Variants in PHACTR3 observed in about 807,000 individuals in gnomAD.
PHACTR3 encodes the protein phosphatase and actin regulator 3.
Under a neutral mutation model 66.8 loss-of-function variants are expected in PHACTR3, and 16 were observed. The observed-to-expected ratio is 0.24, with a 90% confidence interval of 0.16 to 0.36. PHACTR3 has a LOEUF of 0.36. Ranked by LOEUF, PHACTR3 falls within the 10% of genes least tolerant of loss-of-function variation. PHACTR3 has a pLI of 1.00. For missense variants in PHACTR3, 647 were observed against 719.9 expected, an observed-to-expected ratio of 0.90 and a Z score of 1.16; for synonymous variants, 323 against 292.1, an observed-to-expected ratio of 1.11 and a Z score of -1.08.
At chr20:59,694,324 G>A (rs1186378045) in intron 1 of PHACTR3, among the ~76,000 whole-genome samples, 1 of 152,072 alleles carries the variant, frequency 6.6e-6, no homozygotes, top group African/African-American at 2.4e-5. Flanking sequence ...CACATACACA[G>A]GTGGAAGTGA....
At chr20:59,620,238 AT>A (rs2034183041) in intron 1 of PHACTR3, among the ~76,000 whole-genome samples, 7 of 152,260 alleles carry the variant, frequency 4.6e-5, no homozygotes, top group Admixed American at 4.6e-4. Context: ...TAGTAAAAAA[AT>A]AACTCCTGCG....
intron 1 of PHACTR3, among the ~76,000 whole-genome samples, chr20:59,581,657 A>G (rs575994391): frequency 1.6e-4 from 25 of 152,288 alleles, no homozygotes; most frequent in African/African-American, 5.5e-4. Flanking sequence ...TGAGGCCAGC[A>G]GATCACGAGG....
intron 1 of PHACTR3, among the ~76,000 whole-genome samples, chr20:59,725,907 C>T (rs2038544843): frequency 6.6e-6 from 1 of 152,140 alleles, no homozygotes; most frequent in African/African-American, 2.4e-5. Context: ...CTGGGAGGCT[C>T]CACAGCCTTG....
At chr20:59,739,180 G>A (rs2039061054) in intron 1 of PHACTR3, among the ~76,000 whole-genome samples, 1 of 152,122 alleles carries the variant, frequency 6.6e-6, no homozygotes, top group African/African-American at 2.4e-5. Flanking sequence ...ACTAGGTGCT[G>A]GGGTCGCCTC....
intron 9 of PHACTR3, 127 bp downstream of exon 9, chr20:59,836,687 G>A (rs2058973714): frequency 3.5e-6 from 3 of 854,242 alleles, no homozygotes; most frequent in South Asian, 3.7e-5. Flanking sequence ...GTAAACCTGA[G>A]CTGCTGCTGA....
intron 8 of PHACTR3, among the ~76,000 whole-genome samples, chr20:59,832,408 T>C (rs1164164065): frequency 6.6e-6 from 1 of 152,108 alleles, no homozygotes; most frequent in Non-Finnish European, 1.5e-5. Flanking sequence ...TGTGGGGTGT[T>C]TTTGCTCTGT....
chr20:59,628,826 TG>T (rs2034559077), intron 1 of PHACTR3: 2 of 984,886 alleles, frequency 2.0e-6, no homozygotes, highest in Non-Finnish European at 2.4e-6. Context: ...GGTTAGATCT[TG>T]TTTTTTGTTT....
rs71183177 is a variant in PHACTR3 at position 59,622,981 on chromosome 20, CAAAAA to C, written c.118+17865_118+17869del. Among the ~76,000 whole-genome samples, 15 of 32,216 alleles carry C rather than the reference CAAAAA, an allele frequency of 4.7e-4. 2 individuals are homozygous for C. The highest frequency in any genetic ancestry group is 1.2e-3 in the African/African-American group (9 of 7,244). The allele number at this position is 32,216 out of a possible 152,430, so 21.1% of individuals were successfully genotyped here. A position where few individuals can be genotyped will look rare whatever the true frequency, so the allele number is the denominator to read the frequency against. ...ATTCTAATTTTACAGCAGCTTTAACCAAAAAAAAAAAAAAAAAAAACCCAAATCTT... is the reference window on the plus strand; with the variant it reads ...ATTCTAATTTTACAGCAGCTTTAACCAAAAAAAAAAAAAAACCCAAATCTT... On this transcript the variant is annotated intron_variant, in intron 1 of 12. Coordinates refer to ENST00000371015, the MANE Select transcript of PHACTR3 (RefSeq NM_080672.5).
At chr20:59,647,618 C>A (rs1240953737) in intron 1 of PHACTR3, among the ~76,000 whole-genome samples, 1 of 152,164 alleles carries the variant, frequency 6.6e-6, no homozygotes, top group Non-Finnish European at 1.5e-5. Flanking sequence ...CATCTCTTTC[C>A]CCACTAGTTT....
At chr20:59,747,634 C>T (rs1416810724) in intron 2 of PHACTR3, 124 bp from the exon 3 acceptor site, 2 of 1,111,704 alleles carry the variant, frequency 1.8e-6, no homozygotes, top group Admixed American at 2.1e-5. Context: ...GCCCCCTAAC[C>T]CCGAGGCGCC....
chr20:59,765,957 C>T, intron 4 of PHACTR3, among the ~76,000 whole-genome samples: 1 of 152,238 alleles, frequency 6.6e-6, no homozygotes, highest in East Asian at 1.9e-4. Flanking sequence ...GTGCCTTCCA[C>T]AGGCCTTAGC....
intron 1 of PHACTR3, among the ~76,000 whole-genome samples, chr20:59,710,508 T>C (rs1313051516): frequency 1.3e-5 from 2 of 152,180 alleles, no homozygotes; most frequent in Non-Finnish European, 2.9e-5. Context: ...CTAGGCCCTT[T>C]AAAAGGCAGG....
intron 1 of PHACTR3, among the ~76,000 whole-genome samples, chr20:59,693,930 C>T (rs553999753): frequency 3.9e-5 from 6 of 152,288 alleles, no homozygotes; most frequent in African/African-American, 7.2e-5. Flanking sequence ...CAATTGGCAA[C>T]GTAAGCCCCA....
At chr20:59,823,609 G>A (rs1008190633) in intron 8 of PHACTR3, among the ~76,000 whole-genome samples, 4 of 152,194 alleles carry the variant, frequency 2.6e-5, no homozygotes, top group African/African-American at 9.7e-5. Flanking sequence ...ACAAAGGCTG[G>A]ATGTGTCTCC....
At chr20:59,823,041 G>A (rs927232370) in intron 8 of PHACTR3, among the ~76,000 whole-genome samples, 1 of 152,230 alleles carries the variant, frequency 6.6e-6, no homozygotes, top group African/African-American at 2.4e-5. Flanking sequence ...GGCAAGGCAG[G>A]CCCTGGTACC....
At chr20:59,832,791 G>A (rs1229195011) in intron 8 of PHACTR3, among the ~76,000 whole-genome samples, 2 of 152,142 alleles carry the variant, frequency 1.3e-5, no homozygotes, top group Admixed American at 1.3e-4. Flanking sequence ...CTTTGCACAT[G>A]TCCTCTCCTC....
chr20:59,737,692 C>T lies in PHACTR3; in HGVS notation c.119-5415C>T, dbSNP rs149803135. ...TGAGCCAGGACTGTCTAAATTCATA[C>T]CTTTATTCATTGTTCATCTCCTGCA... On this transcript the variant is annotated intron_variant, in intron 1 of 12. Transcript: ENST00000371015. 7.2e-5 allele frequency among the ~76,000 whole-genome samples: 11 copies of T among 152,282 alleles called. No individual in the cohort carries two copies. In the East Asian group the frequency reaches 1.9e-3, roughly 27 times the overall value.
intron 1 of PHACTR3, among the ~76,000 whole-genome samples, chr20:59,671,558 C>T (rs553827692): frequency 5.9e-5 from 9 of 152,260 alleles, no homozygotes; most frequent in Non-Finnish European, 1.0e-4. Flanking sequence ...ATTGAACCAA[C>T]ATTTAAATGT....
At chr20:59,694,820 G>A (rs1017198923) in intron 1 of PHACTR3, among the ~76,000 whole-genome samples, 2 of 152,116 alleles carry the variant, frequency 1.3e-5, no homozygotes, top group African/African-American at 4.8e-5. Flanking sequence ...AGCAGGGACA[G>A]GGGGAAATGC....
Sources: allele counts gnomAD v4.1 joint callset (sites outside exome capture counted in the v4.1 genomes callset), GRCh38; gene constraint gnomAD v4.1.1; transcripts MANE v1.5; gene names NCBI Gene and HGNC (gene_info 2026-07-23, HGNC 2026-07-21).